FANCM: variants seen among roughly 807,000 people sequenced by gnomAD.
The protein encoded by FANCM is FA complementation group M, also known as Fanconi anemia group M protein.
Under a neutral mutation model 199.5 loss-of-function variants are expected in FANCM, and 140 were observed. The ratio of observed to expected loss-of-function variants is 0.70; its 90% CI spans 0.61 to 0.81. FANCM has a LOEUF of 0.81. FANCM is among the 30% of genes least tolerant of loss of function. The pLI is 0.00. For synonymous variants in FANCM, 840 were observed against 836.8 expected (o/e 1.00, Z -0.07); for missense variants, 2,410 against 2,421.4 (o/e 1.00, Z 0.10).
At chr14:45,145,125 G>T (rs958992317) in intron 3 of FANCM, among the ~76,000 whole-genome samples, 1 of 151,846 alleles carries the variant, frequency 6.6e-6, no homozygotes, top group Non-Finnish European at 1.5e-5. Flanking sequence ...TAGAAAAGTT[G>T]TCAGGGAGCT....
chr14:45,185,761 TACTA>T (rs1889361339), intron 18 of FANCM, among the ~76,000 whole-genome samples: 1 of 152,166 alleles, frequency 6.6e-6, no homozygotes, highest in African/African-American at 2.4e-5. Flanking sequence ...ACAATATATA[TACTA>T]ACTAAATTAT....
Position 45,168,165 on chromosome 14 carries a change from C to A in FANCM, c.2002+1002C>A, listed in dbSNP as rs937864617. On this transcript the variant is annotated intron_variant, in intron 11 of 22. Coordinates refer to ENST00000267430, the MANE Select transcript of FANCM (RefSeq NM_020937.4). ...ATACCATGCATTTTTAAGGTTCTTA[C>A]CCTCCTACTACTTGCTTTCAATTCA... 2.6e-5 allele frequency among the ~76,000 whole-genome samples: 4 copies of A among 152,090 alleles called. No homozygotes were observed. In the East Asian group the frequency reaches 7.7e-4, roughly 29 times the overall value.
chr14:45,187,868 A>T lies in FANCM; in HGVS notation c.4760A>T (p.Asn1587Ile). ...AAAATGATTCATAAGACACATAAAA[A>T]CATAAACATTTTCTCGCAGGTATGA... The part of the protein sequence containing the change: ...KYKMIHKTHK[N>I]INIFSQIPEQ... The change falls in exon 19 of 23, where the codon AAC becomes ATC. Residue 1587 changes from asparagine to isoleucine, a missense_variant. Transcript: ENST00000267430. 1 of 1,519,604 alleles carries T rather than the reference A, an allele frequency of 6.6e-7. No individual in the cohort carries two copies. Among genetic ancestry groups the T allele is most frequent in the Non-Finnish European group, 9.1e-7 (1 of 1,094,148 alleles). 94.1% of individuals were successfully genotyped at this position (1,519,604 alleles called of 1,614,324 possible). A position where few individuals can be genotyped will look rare whatever the true frequency, so the allele number is the denominator to read the frequency against.
Position 45,140,664 on chromosome 14 carries a change from CT to C in FANCM, c.717del (p.Phe239LeufsTer6). 6.2e-7 allele frequency: 1 copy of C among 1,603,994 alleles called. No individual in the cohort carries two copies. The highest frequency in any genetic ancestry group is 8.5e-7 in the Non-Finnish European group (1 of 1,171,474). On this transcript the variant is annotated frameshift_variant, in exon 3 of 23. Transcript: ENST00000267430. LOFTEE classifies it high-confidence loss of function. ...GAGAACTAGTCAAATATACAAATCACTTTAGAATCTTGGCTCTAAGTGCCAC... is the reference window on the plus strand; with the variant it reads ...GAGAACTAGTCAAATATACAAATCACTTAGAATCTTGGCTCTAAGTGCCAC... ...VRELVKYTNH[F>X]RILALSATPG... is the part of the protein sequence containing the mutation.
At position 45,176,411 on chromosome 14, in the gene FANCM, T is replaced by C. The variant is rs2139250297; in HGVS notation, c.3657T>C (p.Asp1219=). ...AAGAAAAAGTGAAGAATCATGAGGA[T>C]ATTTTTGATTGCTCTAGGGATTTAT... ...VQEEKVKNHE[D]IFDCSRDLFS... Residue 1219 remains aspartate, a synonymous_variant, in exon 14 of 23, where the codon GAT becomes GAC. Transcript: ENST00000267430. The C allele has an allele frequency of 6.2e-7, 1 of 1,613,070 alleles. No individual in the cohort carries two copies. Among genetic ancestry groups the C allele is most frequent in the Non-Finnish European group, 8.5e-7 (1 of 1,179,894 alleles).
intron 14 of FANCM, among the ~76,000 whole-genome samples, chr14:45,178,177 A>G (rs1188286748): frequency 6.6e-6 from 1 of 152,196 alleles, no homozygotes; most frequent in Non-Finnish European, 1.5e-5. Flanking sequence ...TGAATGTTCT[A>G]TTTAAGATGA....
intron 8 of FANCM, among the ~76,000 whole-genome samples, chr14:45,156,139 T>G (rs1887173473): frequency 6.6e-6 from 1 of 152,064 alleles, no homozygotes; most frequent in South Asian, 2.1e-4. Flanking sequence ...TTTAAAGTGA[T>G]GATGGAGATA....
chr14:45,197,643 T>C (rs1890137486), intron 21 of FANCM, among the ~76,000 whole-genome samples: 1 of 151,636 alleles, frequency 6.6e-6, no homozygotes, highest in African/African-American at 2.4e-5. Context: ...TTTTGTATTT[T>C]TAGTAGAGAT....
At chr14:45,138,540 A>C (rs1040342381) in intron 2 of FANCM, among the ~76,000 whole-genome samples, 4 of 152,274 alleles carry the variant, frequency 2.6e-5, no homozygotes, top group Middle Eastern at 3.4e-3. Context: ...GGCATTTAAA[A>C]AATTTTAGCT....
chr14:45,158,435 A>C (rs1594776791), intron 8 of FANCM, among the ~76,000 whole-genome samples: 1 of 134,710 alleles, frequency 7.4e-6, no homozygotes, highest in African/African-American at 2.7e-5. Flanking sequence ...CCCCTACCTC[A>C]CCCGCCCCCC....
Position 45,184,940 on chromosome 14 carries a change from A to AT in FANCM, c.4516-262dup, listed in dbSNP as rs1176189406. ...AGGCATGCGCCACCACACCCTGCCA[A>AT]TTTTTTTTTTTTTTTGTATTTTGTA... On this transcript the variant is annotated intron_variant, in intron 17 of 22. Coordinates refer to ENST00000267430, the MANE Select transcript of FANCM (RefSeq NM_020937.4). 0.012 allele frequency among the ~76,000 whole-genome samples: 1,685 copies of AT among 139,040 alleles called. 30 individuals are homozygous for AT. Among genetic ancestry groups the AT allele is most frequent in the African/African-American group, 0.036 (1,371 of 37,722 alleles). 91.2% of individuals were successfully genotyped at this position (139,040 alleles called of 152,430 possible). A position where few individuals can be genotyped will look rare whatever the true frequency, so the allele number is the denominator to read the frequency against.
intron 20 of FANCM, among the ~76,000 whole-genome samples, chr14:45,192,820 C>T (rs190759041): frequency 3.1e-4 from 47 of 151,338 alleles, no homozygotes; most frequent in African/African-American, 1.0e-3. Context: ...CAAAATGAGA[C>T]TCTGTCTAAA....
At chr14:45,164,211 T>C (rs1371351841) in intron 9 of FANCM, 148 bp from the exon 10 acceptor site, 1 of 695,260 alleles carries the variant, frequency 1.4e-6, no homozygotes, top group Non-Finnish European at 2.5e-6. Flanking sequence ...TCCCAAAGTG[T>C]TGACATTACA....
At chr14:45,138,589 G>A (rs1203304416) in intron 2 of FANCM, among the ~76,000 whole-genome samples, 1 of 152,094 alleles carries the variant, frequency 6.6e-6, no homozygotes, top group East Asian at 1.9e-4. Context: ...GCAACATAGT[G>A]AGACCCTGTG....
At chr14:45,186,318 T>C (rs1476847187) in intron 18 of FANCM, among the ~76,000 whole-genome samples, 1 of 152,220 alleles carries the variant, frequency 6.6e-6, no homozygotes, top group Non-Finnish European at 1.5e-5. Flanking sequence ...CAAAGCTAAA[T>C]TTATTAAATT....
rs1885849616 is a variant in FANCM at position 45,140,648 on chromosome 14, T to C, written c.698T>C (p.Val233Ala). 1 of 1,594,008 alleles carries C rather than the reference T, an allele frequency of 6.3e-7. No homozygotes were observed. ...YAYCQVVREL[V>A]KYTNHFRILA... ...TTTCTTAAGGTTGTAAGAGAACTAG[T>C]CAAATATACAAATCACTTTAGAATC... The change falls in exon 3 of 23, where the codon GTC becomes GCC. Residue 233 changes from valine to alanine, a missense_variant. Val to Ala is a moderately conservative substitution (Grantham distance 64). Coordinates refer to ENST00000267430, the MANE Select transcript of FANCM (RefSeq NM_020937.4).
chr14:45,150,038 A>C (rs558490257), intron 4 of FANCM, among the ~76,000 whole-genome samples: 1 of 152,322 alleles, frequency 6.6e-6, no homozygotes, highest in African/African-American at 2.4e-5. Flanking sequence ...GTGGTAACAC[A>C]TTGTTTTTCT....
rs1207901228 is a variant in FANCM, at chr14:45,151,141, G to GAA, written c.919-254_919-253dup. ...GTAGGTTGAGAGAGAGAGGAGTTAAGAAATAAACAGATAAACGAATGTGTT... is the reference window on the plus strand; with the variant it reads ...GTAGGTTGAGAGAGAGAGGAGTTAAGAAAAATAAACAGATAAACGAATGTGTT... On this transcript the variant is annotated intron_variant, in intron 4 of 22. Transcript: ENST00000267430. Among the ~76,000 whole-genome samples the GAA allele has an allele frequency of 1.5e-4, 23 of 152,178 alleles. 1 individual carries two copies. The highest frequency in any genetic ancestry group is 5.3e-4 in the African/African-American group (22 of 41,534).
intron 8 of FANCM, 44 bp from the exon 9 acceptor site, chr14:45,159,052 G>A: frequency 8.3e-7 from 1 of 1,206,496 alleles, no homozygotes; most frequent in South Asian, 1.4e-5. Flanking sequence ...TTGTCTAAAT[G>A]CTTTGTAAAA....
Sources: allele counts gnomAD v4.1 joint callset (sites outside exome capture counted in the v4.1 genomes callset), GRCh38; gene constraint gnomAD v4.1.1; transcripts MANE v1.5; gene names NCBI Gene and HGNC (gene_info 2026-07-23, HGNC 2026-07-21).